PLCB1: variants seen among roughly 807,000 people sequenced by gnomAD.
PLCB1 encodes phospholipase C beta 1.
Under a neutral mutation model 161.8 loss-of-function variants are expected in PLCB1, and 46 were observed. The ratio of observed to expected loss-of-function variants is 0.28; its 90% CI spans 0.22 to 0.36. The LOEUF is 0.36. Among genes scored for constraint, PLCB1 ranks in the 10% least tolerant of loss-of-function variants. The probability of loss-of-function intolerance (pLI) is 1.00; values close to 1 mark genes in which losing one functional copy is unlikely to be tolerated. For synonymous variants in PLCB1, 517 were observed against 503.7 expected (o/e 1.03, Z -0.35); for missense variants, 1,016 against 1,472.5 (o/e 0.69, Z 5.07).
rs963347430 is a variant in PLCB1, at chr20:8,132,288, T to C, written c.-364T>C. The C allele has an allele frequency of 1.2e-5, 2 of 169,128 alleles. No homozygotes were observed. Among genetic ancestry groups the C allele is most frequent in the Non-Finnish European group, 2.5e-5 (2 of 79,470 alleles). 10.5% of individuals were successfully genotyped at this position (169,128 alleles called of 1,614,324 possible). On this transcript the variant is annotated 5_prime_UTR_variant, in exon 1 of 32. Transcript: ENST00000338037. This position sits in a 1 kb window ranked among gnomAD's most constrained non-coding sequence, Gnocchi z 5.2. ...GTCACTCGCTCTCTCCCTCTGTGTA[T>C]AGAGGATGTGCTGAATGGTGCGCTT... is the stretch of plus-strand genomic sequence containing the variant.
chr20:8,790,215 A>G lies in PLCB1; in HGVS notation c.3377A>G (p.Glu1126Gly), dbSNP rs772446104. 3 of 1,612,278 alleles carry G rather than the reference A, an allele frequency of 1.9e-6. No homozygotes were observed. Among genetic ancestry groups the G allele is most frequent in the African/African-American group, 1.3e-5 (1 of 74,966 alleles). ...AQSKRQEKLV[E>G]KHKEIRQQIL... ...AGTAAACGGCAAGAAAAACTCGTAG[A>G]GAAACACAAGGAAATACGTCAGCAG... Residue 1126 changes from glutamate (E) to glycine (G), a missense_variant, in exon 31 of 32, where the codon GAG (glutamate) becomes GGG (glycine). By Grantham distance (98) the Glu-to-Gly change is moderately conservative. Transcript: ENST00000338037.
intron 2 of PLCB1, among the ~76,000 whole-genome samples, chr20:8,272,894 G>T (rs953379539): frequency 6.6e-6 from 1 of 152,146 alleles, no homozygotes; most frequent in African/African-American, 2.4e-5. Flanking sequence ...TGAATACTCT[G>T]CCATCGTTAG....
chr20:8,338,068 G>C (rs1456257963), intron 2 of PLCB1, among the ~76,000 whole-genome samples: 2 of 152,182 alleles, frequency 1.3e-5, no homozygotes. Context: ...AGACGTCCAG[G>C]ATTCAGAGAT....
At chr20:8,383,462 T>TA (rs1343819969) in intron 3 of PLCB1, among the ~76,000 whole-genome samples, 1 of 152,312 alleles carries the variant, frequency 6.6e-6, no homozygotes, top group African/African-American at 2.4e-5. Flanking sequence ...GAATACGGCA[T>TA]ACCGATGGGT....
At chr20:8,510,383 CT>C (rs11479098) in intron 3 of PLCB1, among the ~76,000 whole-genome samples, 74,597 of 119,806 alleles carry the variant, frequency 0.62, 22,963 homozygotes, top group Non-Finnish European at 0.68. Flanking sequence ...TTTTCTTTTT[CT>C]TTTTTTTTTT....
At chr20:8,242,803 G>T (rs1279637625) in intron 2 of PLCB1, among the ~76,000 whole-genome samples, 1 of 151,966 alleles carries the variant, frequency 6.6e-6, no homozygotes, top group Non-Finnish European at 1.5e-5. Context: ...AAAGGAGAAG[G>T]AGGAGGAACC....
In PLCB1 at chr20:8,176,907, G is replaced by C. The variant is rs143018158; in HGVS notation, c.177+26536G>C. Among the ~76,000 whole-genome samples the C allele has an allele frequency of 1.1e-3, 172 of 152,182 alleles. 1 individual carries two copies. Among genetic ancestry groups the C allele is most frequent in the African/African-American group, 1.7e-3 (70 of 41,542 alleles). ...TAGCCTTGACCTCAGAACATCTCTAGACAAAAGTGATAGAATGAATATTAC... is the reference window on the plus strand; with the variant it reads ...TAGCCTTGACCTCAGAACATCTCTACACAAAAGTGATAGAATGAATATTAC... On this transcript the variant is annotated intron_variant, in intron 2 of 31. Coordinates refer to ENST00000338037, the MANE Select transcript of PLCB1 (RefSeq NM_015192.4).
chr20:8,497,308 G>A (rs2423358), intron 3 of PLCB1, among the ~76,000 whole-genome samples: 146,372 of 152,274 alleles, frequency 0.96, 70,397 homozygotes, highest in East Asian at 1. Flanking sequence ...GCATTGTTGA[G>A]TATTTGAAAT....
At chr20:8,559,032 A>C (rs909031250) in intron 3 of PLCB1, among the ~76,000 whole-genome samples, 7 of 151,898 alleles carry the variant, frequency 4.6e-5, no homozygotes, top group Admixed American at 6.6e-5. Context: ...GTAAATACAT[A>C]GTCCTATAAA....
intron 3 of PLCB1, among the ~76,000 whole-genome samples, chr20:8,562,601 G>A (rs1986176644): frequency 6.6e-6 from 1 of 152,084 alleles, no homozygotes; most frequent in Non-Finnish European, 1.5e-5. Flanking sequence ...CTAACAGAAT[G>A]GTGTGCAGTC....
chr20:8,376,404 C>A (rs1172908984), intron 3 of PLCB1, among the ~76,000 whole-genome samples: 3 of 152,122 alleles, frequency 2.0e-5, no homozygotes, highest in Non-Finnish European at 2.9e-5. Flanking sequence ...ATTGATTAGG[C>A]TTTTCTTTCC....
At chr20:8,329,868 T>C (rs1181411656) in intron 2 of PLCB1, among the ~76,000 whole-genome samples, 1 of 152,198 alleles carries the variant, frequency 6.6e-6, no homozygotes, top group Non-Finnish European at 1.5e-5. Context: ...CCCCGTCTTA[T>C]GATTGCATGA....
rs896982819 is a variant in PLCB1, at chr20:8,882,246, G to C, written c.*397G>C. On this transcript the variant is annotated 3_prime_UTR_variant, in exon 32 of 32. Transcript: ENST00000338037. ...ATAGAAATAGTTTGAGAAATGCATA[G>C]CATTATTTAACACTATTGAACAGCC... is the stretch of plus-strand genomic sequence containing the variant. The C allele has an allele frequency of 5.2e-6, 1 of 192,740 alleles. No individual in the cohort carries two copies. Among genetic ancestry groups the C allele is most frequent in the Non-Finnish European group, 1.1e-5 (1 of 92,048 alleles). 11.9% of individuals were successfully genotyped at this position (192,740 alleles called of 1,614,324 possible).
chr20:8,750,529 T>C (rs1981403000), intron 23 of PLCB1, among the ~76,000 whole-genome samples: 1 of 152,190 alleles, frequency 6.6e-6, no homozygotes, highest in Non-Finnish European at 1.5e-5. Flanking sequence ...CCTCTATCCA[T>C]TTATCTATCC....
At chr20:8,798,585 C>G (rs1437207967) in intron 31 of PLCB1, among the ~76,000 whole-genome samples, 2 of 152,158 alleles carry the variant, frequency 1.3e-5, no homozygotes, top group Non-Finnish European at 1.5e-5. Context: ...CACACACACA[C>G]ACACACACAC....
At chr20:8,432,639 T>A (rs184273825) in intron 3 of PLCB1, among the ~76,000 whole-genome samples, 1 of 152,354 alleles carries the variant, frequency 6.6e-6, no homozygotes, top group African/African-American at 2.4e-5. Context: ...TATTATTTTT[T>A]AACCCAGTGT....
At chr20:8,182,762 G>A (rs2051858481) in intron 2 of PLCB1, among the ~76,000 whole-genome samples, 1 of 151,686 alleles carries the variant, frequency 6.6e-6, no homozygotes, top group South Asian at 2.1e-4. Flanking sequence ...TGTGTTTTTA[G>A]TAGAGACAGT....
intron 3 of PLCB1, among the ~76,000 whole-genome samples, chr20:8,593,670 T>C (rs1273787209): frequency 6.6e-6 from 1 of 152,152 alleles, no homozygotes; most frequent in Non-Finnish European, 1.5e-5. Context: ...ATTTTTTTAA[T>C]GGGGTGAGGG....
chr20:8,739,387 T>G (rs761567555), intron 21 of PLCB1, 27 bp downstream of exon 21: 3 of 1,396,426 alleles, frequency 2.1e-6, no homozygotes, highest in Non-Finnish European at 3.1e-6. Context: ...GAGAAACCTT[T>G]TATCAAAGTT....
Sources: allele counts gnomAD v4.1 joint callset (sites outside exome capture counted in the v4.1 genomes callset), GRCh38; gene constraint gnomAD v4.1.1; non-coding constraint Gnocchi (gnomAD v3.1); transcripts MANE v1.5; gene names NCBI Gene and HGNC (gene_info 2026-07-23, HGNC 2026-07-21).